Variants in ARHGEF3 observed in about 807,000 individuals in gnomAD.
ARHGEF3 encodes the protein 59.8 kDA protein.
In ARHGEF3, 28 loss-of-function variants were observed where a neutral mutation model predicts 63.2. The ratio of observed to expected loss-of-function variants is 0.44; its 90% CI spans 0.33 to 0.61. ARHGEF3 has a LOEUF of 0.61. Ranked by LOEUF, ARHGEF3 falls within the 20% of genes least tolerant of loss-of-function variation. The pLI is 0.03. For missense variants in ARHGEF3, 533 were observed against 659.3 expected (o/e 0.81, Z 2.10); for synonymous variants, 266 against 254.2 (o/e 1.05, Z -0.44).
At chr3:56,795,002 G>T (rs959080368) in intron 1 of ARHGEF3, among the ~76,000 whole-genome samples, 1 of 150,860 alleles carries the variant, frequency 6.6e-6, no homozygotes, top group Non-Finnish European at 1.5e-5. Flanking sequence ...GGGACTACAG[G>T]TGTGTGTTAC....
At chr3:57,002,140 T>C (rs1702221735) in intron 2 of ARHGEF3, among the ~76,000 whole-genome samples, 1 of 151,692 alleles carries the variant, frequency 6.6e-6, no homozygotes, top group Non-Finnish European at 1.5e-5. Context: ...CTCGATCTCC[T>C]GACCTCGTGA....
In ARHGEF3 at chr3:56,793,416, G is replaced by A. The variant is rs529707355; in HGVS notation, c.96+8287C>T. On this transcript the variant is annotated intron_variant, in intron 1 of 9. Coordinates refer to ENST00000296315, the MANE Select transcript of ARHGEF3 (RefSeq NM_019555.3). The stretch of plus-strand genomic sequence containing the variant: ...GATCTCCTGACCTCATGATCCGCTC[G>A]CCTCGGCTGCCCAAAGTGCTGGGAT... Among the ~76,000 whole-genome samples the A allele has an allele frequency of 1.8e-4, 28 of 152,270 alleles. No individual in the cohort carries two copies. The South Asian group carries it at 3.1e-3, about 17-fold the overall frequency.
chr3:56,804,174 C>A (rs1235809171), upstream of ARHGEF3, among the ~76,000 whole-genome samples: 1 of 152,194 alleles, frequency 6.6e-6, no homozygotes, highest in Admixed American at 6.5e-5. Flanking sequence ...TGTAAGCCAC[C>A]ATGCCCAGCC....
intron 2 of ARHGEF3, among the ~76,000 whole-genome samples, chr3:56,968,793 T>C (rs768295473): frequency 2.6e-5 from 4 of 152,202 alleles, no homozygotes; most frequent in Non-Finnish European, 5.9e-5. Context: ...ATCCAATGTG[T>C]ATTTTACACT....
chr3:56,903,725 G>C (rs1476532067), intron 3 of ARHGEF3, among the ~76,000 whole-genome samples: 1 of 152,042 alleles, frequency 6.6e-6, no homozygotes, highest in African/African-American at 2.4e-5. Flanking sequence ...AAAACACACA[G>C]GGCCTGCCTG....
chr3:56,977,141 C>A, intron 2 of ARHGEF3: 1 of 427,844 alleles, frequency 2.3e-6, no homozygotes, highest in Non-Finnish European at 4.7e-6. Flanking sequence ...AAGGGTAAGG[C>A]CAGACAGTCC....
At chr3:56,965,475 GA>G (rs1560089756) in intron 2 of ARHGEF3, among the ~76,000 whole-genome samples, 1 of 151,426 alleles carries the variant, frequency 6.6e-6, no homozygotes, top group Non-Finnish European at 1.5e-5. Context: ...ACTTTCCAAA[GA>G]AAAAACAAAA....
chr3:57,060,280 G>A (rs1177082470), intron 1 of ARHGEF3, among the ~76,000 whole-genome samples: 3 of 147,834 alleles, frequency 2.0e-5, no homozygotes, highest in East Asian at 4.0e-4. Flanking sequence ...CAGCCTGGGC[G>A]ACAGAGCTGA....
chr3:56,752,341 A>G (rs2034821200), intron 4 of ARHGEF3, among the ~76,000 whole-genome samples: 1 of 152,224 alleles, frequency 6.6e-6, no homozygotes. Context: ...TATAGGTGTG[A>G]GCCACCGGAC....
At chr3:56,783,487 C>T (rs958997668) in intron 1 of ARHGEF3, among the ~76,000 whole-genome samples, 3 of 152,118 alleles carry the variant, frequency 2.0e-5, no homozygotes, top group African/African-American at 7.2e-5. Flanking sequence ...AAGTCATTAC[C>T]TTCATTCTTC....
chr3:56,866,920 G>A (rs763123043), intron 4 of ARHGEF3, among the ~76,000 whole-genome samples: 4 of 152,172 alleles, frequency 2.6e-5, no homozygotes, highest in Non-Finnish European at 5.9e-5. Context: ...TGTAGCACTG[G>A]TGTTAACAAT....
At chr3:57,002,462 C>CTATATATATATATATGTTATATATA (rs1293575589) in intron 2 of ARHGEF3, among the ~76,000 whole-genome samples, 1 of 38,686 alleles carries the variant, frequency 2.6e-5, no homozygotes, top group Admixed American at 4.0e-4. Context: ...GTTCTAAGCA[C>CTATATATATATATATGTTATATATA]TATATATATA....
At position 56,833,924 on chromosome 3, in the gene ARHGEF3, C is replaced by CT. The variant is rs1046711173; in HGVS notation, c.192+48367_192+48368insA. Among the ~76,000 whole-genome samples, 59 of 150,736 alleles carry CT rather than the reference C, an allele frequency of 3.9e-4. No homozygotes were observed. The East Asian group carries it at 9.5e-3, about 24-fold the overall frequency. On this transcript the variant is annotated intron_variant, in intron 4 of 12. Coordinates refer to the ARHGEF3 transcript ENST00000338458. ...ATTCCAATATTCTTTGTTTTCCCCC[C>CT]CCAATTTTTACTCTTGTCACCCAGG...
chr3:56,914,193 TG>T (rs1221222757), intron 3 of ARHGEF3, among the ~76,000 whole-genome samples: 1 of 152,210 alleles, frequency 6.6e-6, no homozygotes, highest in Non-Finnish European at 1.5e-5. Context: ...GCTTGGATGA[TG>T]GGTGCAACAA....
chr3:56,760,632 G>C (rs2035363459), intron 2 of ARHGEF3, among the ~76,000 whole-genome samples: 1 of 152,200 alleles, frequency 6.6e-6, no homozygotes, highest in Admixed American at 6.5e-5. Flanking sequence ...TTCTACTGAG[G>C]AGGAAACTGA....
intron 7 of ARHGEF3, among the ~76,000 whole-genome samples, chr3:56,739,425 G>A (rs2107711098): frequency 6.8e-6 from 1 of 148,116 alleles, no homozygotes; most frequent in East Asian, 2.0e-4. Flanking sequence ...AGTTGAGACA[G>A]GGTCTCATTC....
At chr3:56,777,665 C>T (rs113933756) in intron 1 of ARHGEF3, among the ~76,000 whole-genome samples, 1,729 of 152,238 alleles carry the variant, frequency 0.011, 29 homozygotes, top group African/African-American at 0.038. Context: ...AGGAACTCCC[C>T]ACTCATTTTC....
rs373363091 is a variant in ARHGEF3, at chr3:56,931,013, C to T, written c.129+27810G>A. On this transcript the variant is annotated intron_variant, in intron 3 of 12. Coordinates refer to the ARHGEF3 transcript ENST00000338458. ...TTAAAAGAAGAAAAAAATGACATGA[C>T]ATCAAGACTGGAAGAATAAGGCAGC... 4.7e-4 allele frequency among the ~76,000 whole-genome samples: 72 copies of T among 152,220 alleles called. 1 individual carries two copies. The South Asian group carries it at 0.014, about 30-fold the overall frequency.
At chr3:56,997,800 C>T (rs1702050744) in intron 2 of ARHGEF3, among the ~76,000 whole-genome samples, 1 of 152,154 alleles carries the variant, frequency 6.6e-6, no homozygotes, top group African/African-American at 2.4e-5. Context: ...ATCAGGAAAA[C>T]TGAAAGATTT....
Sources: gnomAD v4.1 joint callset for allele counts (sites outside exome capture counted in the v4.1 genomes callset) on GRCh38, gnomAD v4.1.1 for gene constraint, MANE v1.5 for transcripts, NCBI Gene and HGNC (gene_info 2026-07-23, HGNC 2026-07-21) for gene names.